ANK3: variants seen among roughly 807,000 people sequenced by gnomAD.
The protein encoded by ANK3 is ankyrin 3.
ANK3 carries 57 observed loss-of-function variants against 370.9 expected under a neutral mutation model. That is an observed-to-expected ratio of 0.15 (90% CI 0.12 to 0.19). The LOEUF (loss-of-function observed/expected upper bound fraction) is 0.19, where lower values mean the gene tolerates loss of function less well. ANK3 is among the 10% of genes least tolerant of loss of function. The pLI is 1.00. For missense variants in ANK3, 4,439 were observed against 5,302.1 expected (o/e 0.84, Z 5.06); for synonymous variants, 1,929 against 1,946.3 (o/e 0.99, Z 0.23).
chr10:60,614,936 C>T (rs887506585), intron 2 of ANK3, among the ~76,000 whole-genome samples: 1 of 152,164 alleles, frequency 6.6e-6, no homozygotes, highest in Non-Finnish European at 1.5e-5. Flanking sequence ...TGAAACACAA[C>T]TAATAGCACC....
At chr10:60,164,016 A>T (rs1301934242) in intron 23 of ANK3, among the ~76,000 whole-genome samples, 2 of 152,222 alleles carry the variant, frequency 1.3e-5, no homozygotes, top group African/African-American at 4.8e-5. Flanking sequence ...CACTAAATCT[A>T]ACTAAAATGA....
chr10:60,140,150 G>A, intron 23 of ANK3: 1 of 597,144 alleles, frequency 1.7e-6, no homozygotes. Flanking sequence ...CAAGAGCTCA[G>A]CTTTTAAACT....
Position 60,300,437 on chromosome 10 carries a change from G to A in ANK3, c.115-20798C>T, listed in dbSNP as rs904157080. ...ATCACATCTAAAAATATCTGCCTTC[G>A]GAAATGTAAAGGTTTCCCCCACTTC... On this transcript the variant is annotated intron_variant, in intron 1 of 43. Transcript: ENST00000280772. 4 of 1,288,414 alleles carry A rather than the reference G, an allele frequency of 3.1e-6. No individual in the cohort carries two copies. The African/African-American group carries it at 4.6e-5, about 15-fold the overall frequency. The allele number at this position is 1,288,414 out of a possible 1,614,324, so 79.8% of individuals were successfully genotyped here.
chr10:60,365,472 T>A (rs1023014193), intron 1 of ANK3, among the ~76,000 whole-genome samples: 4 of 152,224 alleles, frequency 2.6e-5, no homozygotes, highest in African/African-American at 9.6e-5. Context: ...TTGAATTATA[T>A]GATATTGCAT....
chr10:60,082,177 CT>C lies in ANK3; in HGVS notation c.4324-2del. The C allele has an allele frequency of 6.2e-7, 1 of 1,609,510 alleles. No homozygotes were observed. Among genetic ancestry groups the C allele is most frequent in the Non-Finnish European group, 8.5e-7 (1 of 1,177,408 alleles). Reference sequence around the variant, plus strand: ...CATCATCTTGATCTGACTCTGTCTCCTTTTGGTTCCAAGATGCATTGCAGAG... The same window carrying C: ...CATCATCTTGATCTGACTCTGTCTCCTTTGGTTCCAAGATGCATTGCAGAG... On this transcript the variant is annotated splice_acceptor_variant, in intron 34 of 43. Transcript: ENST00000280772. LOFTEE classifies it high-confidence loss of function.
intron 2 of ANK3, among the ~76,000 whole-genome samples, chr10:60,480,292 G>T (rs1319642794): frequency 6.6e-6 from 1 of 152,128 alleles, no homozygotes; most frequent in East Asian, 1.9e-4. Flanking sequence ...GGGATCATCA[G>T]CATTTTAAAC....
chr10:60,263,856 G>T lies in ANK3; in HGVS notation c.678C>A (p.Asn226Lys). The change falls in exon 6 of 44, where the codon AAC (asparagine) becomes AAA (lysine). Residue 226 changes from asparagine to lysine, a missense_variant. Coordinates refer to ENST00000280772, the MANE Select transcript of ANK3 (RefSeq NM_020987.5). Reference protein sequence around the residue: ...KAAALLLQNDNNADVESKSGF... With the variant: ...KAAALLLQNDKNADVESKSGF... ...TCACCTTTGATTCCACATCTGCATT[G>T]TTGTCATTCTGCAGCAGCAGGGCGG... The T allele has an allele frequency of 6.2e-7, 1 of 1,614,036 alleles. No individual in the cohort carries two copies. Among genetic ancestry groups the T allele is most frequent in the Non-Finnish European group, 8.5e-7 (1 of 1,180,002 alleles).
intron 2 of ANK3, among the ~76,000 whole-genome samples, chr10:60,586,311 C>T (rs567315347): frequency 2.0e-5 from 3 of 152,132 alleles, no homozygotes; most frequent in East Asian, 1.9e-4. Context: ...TGAGTCTAAT[C>T]GAGAAATTTC....
chr10:60,393,067 A>G (rs185995491), upstream of ANK3, among the ~76,000 whole-genome samples: 1 of 152,374 alleles, frequency 6.6e-6, no homozygotes, highest in East Asian at 1.9e-4. Flanking sequence ...TTCCTAAGCC[A>G]TGCTTCCAAA....
chr10:60,212,108 A>T (rs1427765070), intron 9 of ANK3, among the ~76,000 whole-genome samples: 2 of 152,128 alleles, frequency 1.3e-5, no homozygotes, highest in Non-Finnish European at 2.9e-5. Flanking sequence ...TGGAAGAAAA[A>T]AATTAAGAAG....
intron 8 of ANK3, among the ~76,000 whole-genome samples, chr10:60,221,117 T>C (rs572947174): frequency 9.6e-4 from 146 of 151,650 alleles, no homozygotes; most frequent in African/African-American, 3.4e-3. Context: ...TCTCGCTTTA[T>C]TGCTCAGGGT....
intron 7 of ANK3, among the ~76,000 whole-genome samples, chr10:60,254,334 G>A (rs1404626929): frequency 6.6e-6 from 1 of 151,510 alleles, no homozygotes; most frequent in Non-Finnish European, 1.5e-5. Context: ...ACATATGTTT[G>A]CAAATGCATC....
intron 2 of ANK3, among the ~76,000 whole-genome samples, chr10:60,398,636 GTTTC>G (rs1246448927): frequency 6.6e-6 from 1 of 152,112 alleles, no homozygotes; most frequent in Non-Finnish European, 1.5e-5. Context: ...CACAGATAAC[GTTTC>G]TTTAATTCAC....
chr10:60,463,741 T>C (rs2064946269), intron 2 of ANK3, among the ~76,000 whole-genome samples: 1 of 150,898 alleles, frequency 6.6e-6, no homozygotes. Context: ...AGATAATAGA[T>C]TTTCTTTACA....
At chr10:60,549,781 A>T (rs2077049161) in intron 2 of ANK3, among the ~76,000 whole-genome samples, 1 of 152,196 alleles carries the variant, frequency 6.6e-6, no homozygotes, top group Non-Finnish European at 1.5e-5. Flanking sequence ...GATCCAAAGC[A>T]GTACATATAC....
At chr10:60,516,630 A>C (rs192461662) in intron 2 of ANK3, among the ~76,000 whole-genome samples, 4 of 152,088 alleles carry the variant, frequency 2.6e-5, no homozygotes, top group Non-Finnish European at 5.9e-5. Flanking sequence ...AGGAAAAAAA[A>C]ATTAGGAGTA....
chr10:60,094,985 C>G (rs987813039), intron 28 of ANK3, among the ~76,000 whole-genome samples: 1 of 152,132 alleles, frequency 6.6e-6, no homozygotes, highest in Non-Finnish European at 1.5e-5. Context: ...AAATAGAGAA[C>G]GAAATCCCCA....
chr10:60,650,989 A>G (rs1034264558), intron 1 of ANK3, among the ~76,000 whole-genome samples: 1 of 152,188 alleles, frequency 6.6e-6, no homozygotes, highest in African/African-American at 2.4e-5. Flanking sequence ...CCAGCTACTC[A>G]GGAGGTTGAG....
At position 60,662,788 on chromosome 10, in the gene ANK3, G is replaced by T. The variant is rs540595925; in HGVS notation, c.58-47564C>A. ...TATCTAGAGCCAGGTCTAGCATGTC[G>T]TTGGTGCTCAAAAGATATCTGTTGA... On this transcript the variant is annotated intron_variant, in intron 1 of 43. Coordinates refer to the ANK3 transcript ENST00000373827. 2.6e-5 allele frequency among the ~76,000 whole-genome samples: 4 copies of T among 152,214 alleles called. No individual in the cohort carries two copies. In the East Asian group the frequency reaches 7.7e-4, roughly 29 times the overall value.
Sources: allele counts gnomAD v4.1 joint callset (sites outside exome capture counted in the v4.1 genomes callset), GRCh38; gene constraint gnomAD v4.1.1; transcripts MANE v1.5; gene names NCBI Gene and HGNC (gene_info 2026-07-23, HGNC 2026-07-21).